ARHGAP44: variants seen among roughly 807,000 people sequenced by gnomAD.
ARHGAP44 encodes the protein rho GTPase-activating protein 44.
A neutral mutation model predicts 106.8 loss-of-function variants in ARHGAP44; 43 were observed. The observed-to-expected ratio is 0.40, with a 90% CI of 0.32 to 0.52. ARHGAP44 has a LOEUF of 0.52. Ranked by LOEUF, ARHGAP44 falls within the 20% of genes least tolerant of loss-of-function variation. The pLI is 0.48. For missense variants in ARHGAP44, 866 were observed against 1,050.5 expected (o/e 0.82, Z 2.43); for synonymous variants, 439 against 410.3 (o/e 1.07, Z -0.85).
At chr17:12,873,522 C>G (rs989625927) in intron 1 of ARHGAP44, among the ~76,000 whole-genome samples, 5 of 152,198 alleles carry the variant, frequency 3.3e-5, no homozygotes, top group Admixed American at 3.3e-4. Context: ...CTGAATAAAA[C>G]TAATCTTAAA....
chr17:12,873,344 C>T (rs1285630337), intron 1 of ARHGAP44, among the ~76,000 whole-genome samples: 1 of 152,186 alleles, frequency 6.6e-6, no homozygotes, highest in African/African-American at 2.4e-5. Flanking sequence ...CTCCAGGAAG[C>T]CTTTCTCAAT....
chr17:12,811,154 T>C (rs893320128), intron 1 of ARHGAP44, among the ~76,000 whole-genome samples: 1 of 151,456 alleles, frequency 6.6e-6, no homozygotes, highest in Non-Finnish European at 1.5e-5. Flanking sequence ...CTACTAAAAA[T>C]ACAAAAAAAT....
At chr17:12,974,870 G>A (rs1455705242) in intron 18 of ARHGAP44, among the ~76,000 whole-genome samples, 1 of 144,670 alleles carries the variant, frequency 6.9e-6, no homozygotes. Flanking sequence ...TTTTTTTCGA[G>A]ATGGAGTCTC....
intron 1 of ARHGAP44, among the ~76,000 whole-genome samples, chr17:12,805,963 G>A (rs1031528167): frequency 6.6e-6 from 1 of 152,178 alleles, no homozygotes. Context: ...GGCTTCCCTT[G>A]AAAGGTGGTG....
chr17:12,909,019 C>A, intron 4 of ARHGAP44, 46 bp downstream of exon 4: 1 of 1,510,046 alleles, frequency 6.6e-7, no homozygotes, highest in South Asian at 1.3e-5. Context: ...CTAAGTAAGT[C>A]CCCATCCGTG....
intron 7 of ARHGAP44, among the ~76,000 whole-genome samples, chr17:12,934,045 C>T (rs1332375040): frequency 2.6e-5 from 4 of 152,014 alleles, no homozygotes; most frequent in African/African-American, 9.7e-5. Context: ...GACAGGGTTT[C>T]ACCGTGTTAG....
In ARHGAP44 at chr17:12,941,034, TTG is replaced by T; in HGVS notation, c.583-20_583-19del. 1.2e-6 allele frequency: 2 copies of T among 1,612,466 alleles called. No individual in the cohort carries two copies. The highest frequency in any genetic ancestry group is 1.7e-6 in the Non-Finnish European group (2 of 1,178,692). On this transcript the variant is annotated intron_variant, in intron 7 of 20. Coordinates refer to ENST00000379672, the MANE Select transcript of ARHGAP44 (RefSeq NM_014859.6). ...TCCATTGGTTTATGTTTTACCTTGG[TTG>T]TATATTTTACCTTGCACAGGACCAG...
At chr17:12,842,036 C>T (rs913045314) in intron 1 of ARHGAP44, among the ~76,000 whole-genome samples, 31 of 151,998 alleles carry the variant, frequency 2.0e-4, no homozygotes, top group African/African-American at 7.0e-4. Flanking sequence ...AGAATACAGA[C>T]AGCAGTGTTA....
At chr17:12,823,540 G>A (rs1313987788) in intron 1 of ARHGAP44, among the ~76,000 whole-genome samples, 2 of 152,188 alleles carry the variant, frequency 1.3e-5, no homozygotes, top group South Asian at 2.1e-4. Flanking sequence ...TGCCCCACCT[G>A]TTCTAATAGA....
chr17:12,797,398 TATC>T (rs1360061337), intron 1 of ARHGAP44, among the ~76,000 whole-genome samples: 2 of 152,228 alleles, frequency 1.3e-5, no homozygotes, highest in Non-Finnish European at 2.9e-5. Context: ...CATATTGAAG[TATC>T]ATCATCATTG....
At chr17:12,935,201 AAG>A (rs2038510576) in intron 7 of ARHGAP44, among the ~76,000 whole-genome samples, 1 of 152,140 alleles carries the variant, frequency 6.6e-6, no homozygotes, top group African/African-American at 2.4e-5. Flanking sequence ...AATACTCAAA[AAG>A]AGAACACTTT....
chr17:12,944,481 TCTG>T (rs1016969543), intron 10 of ARHGAP44, among the ~76,000 whole-genome samples: 12 of 150,194 alleles, frequency 8.0e-5, no homozygotes, highest in Admixed American at 7.9e-4. Flanking sequence ...ATTTGGGCAT[TCTG>T]CTATTTTTTT....
At chr17:12,976,263 A>G (rs1452045974) in intron 18 of ARHGAP44, among the ~76,000 whole-genome samples, 3 of 150,960 alleles carry the variant, frequency 2.0e-5, no homozygotes, top group South Asian at 4.2e-4. Flanking sequence ...ACCCACACCA[A>G]CCCCCTACAT....
intron 1 of ARHGAP44, among the ~76,000 whole-genome samples, chr17:12,817,377 A>G (rs956236405): frequency 2.3e-4 from 35 of 152,082 alleles, no homozygotes; most frequent in Non-Finnish European, 1.8e-4. Context: ...CATGTAGCAC[A>G]TAAGTATATA....
intron 6 of ARHGAP44, among the ~76,000 whole-genome samples, chr17:12,922,418 A>G (rs2038108699): frequency 6.6e-6 from 1 of 152,196 alleles, no homozygotes. Flanking sequence ...TGAGTGTTCA[A>G]GTACCCTATT....
intron 1 of ARHGAP44, among the ~76,000 whole-genome samples, chr17:12,845,912 G>C (rs532053314): frequency 1.3e-5 from 2 of 152,170 alleles, no homozygotes; most frequent in Non-Finnish European, 2.9e-5. Context: ...GCCCATCTCT[G>C]TATATTGTGT....
intron 1 of ARHGAP44, among the ~76,000 whole-genome samples, chr17:12,863,009 C>G (rs941928721): frequency 2.6e-5 from 4 of 151,372 alleles, no homozygotes; most frequent in African/African-American, 9.7e-5. Flanking sequence ...AAAAAAAGGC[C>G]GAGCACAATG....
chr17:12,843,395 T>G (rs1015102414), intron 1 of ARHGAP44, among the ~76,000 whole-genome samples: 1 of 149,076 alleles, frequency 6.7e-6, no homozygotes, highest in Non-Finnish European at 1.5e-5. Context: ...TTGCTATCTG[T>G]TCATTCATTG....
At chr17:12,913,502 G>T in intron 4 of ARHGAP44, among the ~76,000 whole-genome samples, 1 of 152,030 alleles carries the variant, frequency 6.6e-6, no homozygotes, top group East Asian at 1.9e-4. Flanking sequence ...GGAGGGAGGG[G>T]AAATGGAAAC....
Sources: gnomAD v4.1 joint callset for allele counts (sites outside exome capture counted in the v4.1 genomes callset) on GRCh38, gnomAD v4.1.1 for gene constraint, MANE v1.5 for transcripts, NCBI Gene and HGNC (gene_info 2026-07-23, HGNC 2026-07-21) for gene names.